The following CHODL variants were observed in gnomAD, a reference collection of about 807,000 sequenced individuals.
CHODL encodes the protein transmembrane protein MT75.
In CHODL, 29 loss-of-function variants were observed where a neutral mutation model predicts 34.5. The ratio of observed to expected loss-of-function variants is 0.84; its 90% confidence interval spans 0.63 to 1.15. The LOEUF is 1.15. CHODL is among the 50% of genes most tolerant of loss of function. The pLI, the probability that CHODL is intolerant of heterozygous loss-of-function variation, is 0.00. For synonymous variants in CHODL, 125 were observed against 116.1 expected, an observed-to-expected ratio of 1.08 and a Z score of -0.49; for missense variants, 332 against 332.5, an observed-to-expected ratio of 1.00 and a Z score of 0.01.
At chr21:18,009,061 G>A (rs889846647) in intron 1 of CHODL, among the ~76,000 whole-genome samples, 4 of 152,240 alleles carry the variant, frequency 2.6e-5, no homozygotes, top group African/African-American at 7.2e-5. Flanking sequence ...AAACTATATG[G>A]TACATTGATT....
chr21:18,226,713 C>A (rs937215043), intron 2 of CHODL, among the ~76,000 whole-genome samples: 19 of 151,992 alleles, frequency 1.3e-4, no homozygotes, highest in African/African-American at 4.1e-4. Flanking sequence ...TTTATAATCA[C>A]AGCCCTCTAG....
At chr21:18,172,550 T>G (rs974171106) in intron 2 of CHODL, among the ~76,000 whole-genome samples, 5 of 149,414 alleles carry the variant, frequency 3.3e-5, no homozygotes, top group Admixed American at 2.7e-4. Context: ...CAAAGACAGC[T>G]TTCCTTACCC....
intron 2 of CHODL, among the ~76,000 whole-genome samples, chr21:18,102,971 T>C (rs2065232958): frequency 6.6e-6 from 1 of 152,172 alleles, no homozygotes; most frequent in Non-Finnish European, 1.5e-5. Context: ...TAATCTCTCT[T>C]CTGGAATCCA....
rs150879822 is a variant in CHODL, at chr21:18,089,167, T to C, written c.-45+61196T>C. On this transcript the variant is annotated intron_variant, in intron 2 of 6. Transcript: ENST00000400127. ...TTGTTGCTCACATAACTCTGTATTATGTGCTTTAGCTAGTAAATAATTTGA... is the reference window on the plus strand; with the variant it reads ...TTGTTGCTCACATAACTCTGTATTACGTGCTTTAGCTAGTAAATAATTTGA... 3.9e-5 allele frequency among the ~76,000 whole-genome samples: 6 copies of C among 152,340 alleles called. No individual in the cohort carries two copies. The East Asian group carries it at 1.2e-3, about 29-fold the overall frequency.
At position 18,158,855 on chromosome 21, in the gene CHODL, AG is replaced by A. The variant is rs35744811; in HGVS notation, c.-44-97653del. Among the ~76,000 whole-genome samples, 572 of 147,478 alleles carry A rather than the reference AG, an allele frequency of 3.9e-3. 13 individuals carry two copies. Among genetic ancestry groups the A allele is most frequent in the African/African-American group, 9.8e-3 (391 of 39,784 alleles). On this transcript the variant is annotated intron_variant, in intron 2 of 6. Coordinates refer to the CHODL transcript ENST00000400127. Reference sequence around the variant, plus strand: ...CTCCGTCTTAAAAAAAAAAAAAAAAAGAAGAAGAAAAGAAAGGCATGCATCA... The same window carrying A: ...CTCCGTCTTAAAAAAAAAAAAAAAAAAAGAAGAAAAGAAAGGCATGCATCA...
At chr21:18,182,090 C>G (rs1046368930) in intron 2 of CHODL, among the ~76,000 whole-genome samples, 12 of 152,088 alleles carry the variant, frequency 7.9e-5, no homozygotes, top group Non-Finnish European at 2.9e-5. Context: ...ACCCTAGGAA[C>G]AGAATTGCTG....
chr21:18,151,546 T>C (rs1422880555), intron 2 of CHODL, among the ~76,000 whole-genome samples: 1 of 152,186 alleles, frequency 6.6e-6, no homozygotes, highest in African/African-American at 2.4e-5. Context: ...TGAGACACTT[T>C]AGCAATTTAA....
At chr21:18,211,501 A>G (rs1340422196) in intron 2 of CHODL, among the ~76,000 whole-genome samples, 1 of 152,222 alleles carries the variant, frequency 6.6e-6, no homozygotes, top group Non-Finnish European at 1.5e-5. Flanking sequence ...GGTCAGGAAG[A>G]GGTTTGGTGG....
intron 5 of CHODL, among the ~76,000 whole-genome samples, chr21:18,264,840 C>T (rs2074432237): frequency 6.6e-6 from 1 of 151,942 alleles, no homozygotes; most frequent in Non-Finnish European, 1.5e-5. Flanking sequence ...GCTATTGAAC[C>T]ACATTGGTTT....
At chr21:17,981,699 G>A (rs766884905) in intron 1 of CHODL, among the ~76,000 whole-genome samples, 1 of 152,212 alleles carries the variant, frequency 6.6e-6, no homozygotes, top group African/African-American at 2.4e-5. Flanking sequence ...GTAATTCACA[G>A]TTAGGGGTTA....
intron 2 of CHODL, among the ~76,000 whole-genome samples, chr21:18,193,706 A>T (rs141382022): frequency 0.013 from 1,843 of 141,060 alleles, 44 homozygotes; most frequent in African/African-American, 0.038. Flanking sequence ...AGAAAAAAAA[A>T]AAAATAAAAT....
intron 1 of CHODL, among the ~76,000 whole-genome samples, chr21:18,254,179 C>T (rs1234791363): frequency 1.3e-5 from 2 of 151,704 alleles, no homozygotes; most frequent in African/African-American, 4.9e-5. Flanking sequence ...TCCCCCACCC[C>T]CAGAAATCCC....
chr21:18,021,298 TGA>T (rs1368212422), intron 1 of CHODL, among the ~76,000 whole-genome samples: 8 of 152,184 alleles, frequency 5.3e-5, no homozygotes, highest in Non-Finnish European at 7.4e-5. Context: ...GTGTAATTCT[TGA>T]GGCTAAGTGA....
intron 2 of CHODL, among the ~76,000 whole-genome samples, chr21:18,067,777 A>G (rs2064748965): frequency 6.6e-6 from 1 of 152,148 alleles, no homozygotes; most frequent in African/African-American, 2.4e-5. Context: ...TCTGAGCATT[A>G]CTTACCATTG....
intron 2 of CHODL, among the ~76,000 whole-genome samples, chr21:18,081,220 A>G (rs2064937713): frequency 6.6e-6 from 1 of 152,142 alleles, no homozygotes; most frequent in Non-Finnish European, 1.5e-5. Flanking sequence ...TATCAAATCT[A>G]AGAGTTTTTT....
At chr21:17,992,102 C>G (rs1263328586) in intron 1 of CHODL, among the ~76,000 whole-genome samples, 1 of 152,028 alleles carries the variant, frequency 6.6e-6, no homozygotes, top group Non-Finnish European at 1.5e-5. Flanking sequence ...AGTGTATGTT[C>G]TTGGTGCCTT....
intron 2 of CHODL, among the ~76,000 whole-genome samples, chr21:18,162,976 CTGAATG>C (rs1468392830): frequency 6.6e-6 from 1 of 152,162 alleles, no homozygotes; most frequent in East Asian, 1.9e-4. Flanking sequence ...CTGTGTTCCA[CTGAATG>C]TTTATGCCAT....
chr21:18,253,570 G>C (rs2074282722), intron 1 of CHODL, among the ~76,000 whole-genome samples: 1 of 152,022 alleles, frequency 6.6e-6, no homozygotes, highest in African/African-American at 2.4e-5. Flanking sequence ...GGCATTGTTA[G>C]GCTCTGACTG....
chr21:18,035,839 T>G (rs1210600760), intron 2 of CHODL, among the ~76,000 whole-genome samples: 1 of 152,008 alleles, frequency 6.6e-6, no homozygotes, highest in Non-Finnish European at 1.5e-5. Context: ...TTTTCTTTAT[T>G]TTCTTGAATA....
Sources: gnomAD v4.1 joint callset for allele counts (sites outside exome capture counted in the v4.1 genomes callset) on GRCh38, gnomAD v4.1.1 for gene constraint, MANE v1.5 for transcripts, NCBI Gene and HGNC (gene_info 2026-07-23, HGNC 2026-07-21) for gene names.